The following KLF9 variants were observed in gnomAD, a reference collection of about 807,000 sequenced individuals.
KLF9 encodes the protein Krueppel-like factor 9.
KLF9 carries 2 observed loss-of-function variants against 17.3 expected under a neutral mutation model. The observed-to-expected ratio is 0.12, with a 90% CI of 0.05 to 0.36. The LOEUF (loss-of-function observed/expected upper bound fraction) is 0.36, where lower values mean the gene tolerates loss of function less well. Ranked by LOEUF, KLF9 falls within the 10% of genes least tolerant of loss-of-function variation. The pLI, the probability that KLF9 is intolerant of heterozygous loss-of-function variation, is 1.00. For synonymous variants in KLF9, 138 were observed against 139.2 expected (o/e 0.99, Z 0.06); for missense variants, 226 against 333.2 (o/e 0.68, Z 2.51).
At chr9:70,391,239 T>G (rs2037151096) in intron 1 of KLF9, among the ~76,000 whole-genome samples, 1 of 152,180 alleles carries the variant, frequency 6.6e-6, no homozygotes, top group East Asian at 1.9e-4. Context: ...TTTCTAGAAG[T>G]GACCATGGAA....
At chr9:70,401,747 G>A (rs1295267469) in intron 1 of KLF9, among the ~76,000 whole-genome samples, 1 of 151,230 alleles carries the variant, frequency 6.6e-6, no homozygotes, top group Non-Finnish European at 1.5e-5. Flanking sequence ...GGCTGCAGTG[G>A]CTCACGCCTG....
chr9:70,398,653 A>G (rs766903522), intron 1 of KLF9, among the ~76,000 whole-genome samples: 35 of 151,982 alleles, frequency 2.3e-4, no homozygotes, highest in South Asian at 2.1e-3. Context: ...CACCATGCCC[A>G]GCTAATTTTT....
rs1323873114 is a variant in KLF9, at chr9:70,413,328, G to A, written c.36C>T (p.Ala12=). 2 of 1,591,470 alleles carry A rather than the reference G, an allele frequency of 1.3e-6. No homozygotes were observed. The highest frequency in any genetic ancestry group is 2.2e-5 in the South Asian group (2 of 89,176). ...SAAAYMDFVA[A]QCLVSISNRA... is the part of the protein sequence containing the mutation. Reference sequence around the variant, plus strand: ...GGTTCGAAATGGAAACCAGACACTGGGCAGCCACGAAGTCCATGTAGGCGG... The same window carrying A: ...GGTTCGAAATGGAAACCAGACACTGAGCAGCCACGAAGTCCATGTAGGCGG... The change falls in exon 1 of 2, where the codon GCC becomes GCT. Residue 12 remains alanine, a synonymous_variant. Transcript: ENST00000377126. This position sits in a 1 kb window ranked among gnomAD's most constrained non-coding sequence, Gnocchi z 5.6.
intron 1 of KLF9, among the ~76,000 whole-genome samples, chr9:70,408,427 C>G (rs1289050010): frequency 6.6e-6 from 1 of 152,036 alleles, no homozygotes; most frequent in African/African-American, 2.4e-5. Flanking sequence ...TCTGGGGAGC[C>G]CTCTGGAAAG....
rs1188303090 is a variant in KLF9 at position 70,413,183 on chromosome 9, C to T, written c.181G>A (p.Val61Ile). 1.2e-6 allele frequency: 2 copies of T among 1,614,016 alleles called. No homozygotes were observed. Among genetic ancestry groups the T allele is most frequent in the Non-Finnish European group, 1.7e-6 (2 of 1,180,034 alleles). ...TCCAACAAGCTCTTGGCGATGGTGA[C>T]CAGTGTGCAGTAATCCTTCCAGGTG... ...GDTWKDYCTL[V>I]TIAKSLLDLN... Residue 61 changes from valine (V) to isoleucine (I), a missense_variant, in exon 1 of 2, where the codon GTC becomes ATC. Coordinates refer to ENST00000377126, the MANE Select transcript of KLF9 (RefSeq NM_001206.4). The surrounding 1 kb of genome is among the most constrained non-coding windows in gnomAD (Gnocchi z 5.6).
intron 1 of KLF9, among the ~76,000 whole-genome samples, chr9:70,394,312 C>CACACAT (rs2037169647): frequency 6.6e-6 from 1 of 151,808 alleles, no homozygotes; most frequent in Non-Finnish European, 1.5e-5. Flanking sequence ...CACACACACA[C>CACACAT]ACACACATTT....
At position 70,387,455 on chromosome 9, in the gene KLF9, C is replaced by G. The variant is rs1404002090; in HGVS notation, c.*321G>C. 2 of 176,008 alleles carry G rather than the reference C, an allele frequency of 1.1e-5. No homozygotes were observed. The highest frequency in any genetic ancestry group is 5.0e-5 in the African/African-American group (2 of 39,714). 10.9% of individuals were successfully genotyped at this position (176,008 alleles called of 1,614,324 possible). A position where few individuals can be genotyped will look rare whatever the true frequency, so the allele number is the denominator to read the frequency against. ...CCCCCACCCACTCCCTACCCTCCCCCGCAAAAAAATAAAAGGAGAAAAAAA... is the reference window on the plus strand; with the variant it reads ...CCCCCACCCACTCCCTACCCTCCCCGGCAAAAAAATAAAAGGAGAAAAAAA... On this transcript the variant is annotated 3_prime_UTR_variant, in exon 2 of 2. Transcript: ENST00000377126.
At chr9:70,408,845 A>G (rs10283593) in intron 1 of KLF9, among the ~76,000 whole-genome samples, 149,930 of 150,984 alleles carry the variant, frequency 0.99, 74,450 homozygotes, top group Middle Eastern at 1. Context: ...CTTCTACTAC[A>G]GAGGCTATCC....
At chr9:70,404,736 AT>A (rs1301919289) in intron 1 of KLF9, among the ~76,000 whole-genome samples, 3 of 152,228 alleles carry the variant, frequency 2.0e-5, no homozygotes, top group African/African-American at 7.2e-5. Context: ...ATTTTTAATT[AT>A]AATGGTGTGC....
At position 70,385,732 on chromosome 9, in the gene KLF9, C is replaced by G. The variant is rs1282423110; in HGVS notation, c.*2044G>C. On this transcript the variant is annotated 3_prime_UTR_variant, in exon 2 of 2. Transcript: ENST00000377126. Reference sequence around the variant, plus strand: ...CTATTTCGTATGGAAGAACAGATGTCCTTAAAACTTATTTTGGACACAGAA... The same window carrying G: ...CTATTTCGTATGGAAGAACAGATGTGCTTAAAACTTATTTTGGACACAGAA... 2 of 152,522 alleles carry G rather than the reference C, an allele frequency of 1.3e-5. No homozygotes were observed. The highest frequency in any genetic ancestry group is 2.9e-5 in the Non-Finnish European group (2 of 68,022). 9.4% of individuals were successfully genotyped at this position (152,522 alleles called of 1,614,324 possible). A position where few individuals can be genotyped will look rare whatever the true frequency, so the allele number is the denominator to read the frequency against.
At chr9:70,403,362 G>A (rs989739064) in intron 1 of KLF9, among the ~76,000 whole-genome samples, 4 of 152,130 alleles carry the variant, frequency 2.6e-5, no homozygotes, top group Non-Finnish European at 4.4e-5. Flanking sequence ...TGACCCAGTC[G>A]TGCCACAGTG....
chr9:70,395,227 G>A (rs967230040), intron 1 of KLF9, among the ~76,000 whole-genome samples: 3 of 152,184 alleles, frequency 2.0e-5, no homozygotes, highest in Non-Finnish European at 4.4e-5. Flanking sequence ...CAGTGAAACA[G>A]AAAATGTTTA....
intron 1 of KLF9, among the ~76,000 whole-genome samples, chr9:70,394,728 C>T (rs1186038556): frequency 1.3e-5 from 2 of 152,308 alleles, no homozygotes; most frequent in East Asian, 3.9e-4. Flanking sequence ...ACAGATGTAA[C>T]TGTACAAAAG....
rs560655116 is a variant in KLF9, at chr9:70,384,624, T to C, written c.*3152A>G. 1 of 152,774 alleles carries C rather than the reference T, an allele frequency of 6.5e-6. No individual in the cohort carries two copies. The highest frequency in any genetic ancestry group is 2.4e-5 in the African/African-American group (1 of 41,590). The allele number at this position is 152,774 out of a possible 1,614,324, so 9.5% of individuals were successfully genotyped here. On this transcript the variant is annotated 3_prime_UTR_variant, in exon 2 of 2. Coordinates refer to ENST00000377126, the MANE Select transcript of KLF9 (RefSeq NM_001206.4). Reference sequence around the variant, plus strand: ...CAGTCTTTATCATTTATTATTTTTATTTGGACAACATATATACATATGTAC... The same window carrying C: ...CAGTCTTTATCATTTATTATTTTTACTTGGACAACATATATACATATGTAC...
At chr9:70,392,334 T>C (rs1001077664) in intron 1 of KLF9, among the ~76,000 whole-genome samples, 4 of 152,182 alleles carry the variant, frequency 2.6e-5, no homozygotes, top group Non-Finnish European at 5.9e-5. Context: ...CATGGTGAAC[T>C]GAACAGGGTG....
rs2037370293 is a variant in KLF9 at position 70,414,621 on chromosome 9, G to GTCA, written c.-1261_-1259dup. On this transcript the variant is annotated 5_prime_UTR_variant, in exon 1 of 2. It adds an upstream start codon to the 5' untranslated region. Transcript: ENST00000377126. ...TCTATAATTAAAAAAACCCCATTAT[G>GTCA]TCAGGATAAGTCCAAGAATAAACAC... The GTCA allele has an allele frequency of 6.6e-6, 1 of 152,166 alleles. No homozygotes were observed. The highest frequency in any genetic ancestry group is 2.4e-5 in the African/African-American group (1 of 41,434). 9.4% of individuals were successfully genotyped at this position (152,166 alleles called of 1,614,324 possible). A position where few individuals can be genotyped will look rare whatever the true frequency, so the allele number is the denominator to read the frequency against.
chr9:70,389,159 G>T (rs1375320167), intron 1 of KLF9, among the ~76,000 whole-genome samples: 1 of 150,992 alleles, frequency 6.6e-6, no homozygotes, highest in Non-Finnish European at 1.5e-5. Context: ...AAAAAAAAAA[G>T]AAATGTTTGT....
chr9:70,396,176 C>T (rs758977931), intron 1 of KLF9, among the ~76,000 whole-genome samples: 1 of 152,082 alleles, frequency 6.6e-6, no homozygotes, highest in Non-Finnish European at 1.5e-5. Context: ...TATAATTAAT[C>T]CAGGGCCATC....
Position 70,387,742 on chromosome 9 carries a change from G to A in KLF9, c.*34C>T. 6.3e-7 allele frequency: 1 copy of A among 1,589,766 alleles called. No individual in the cohort carries two copies. Among genetic ancestry groups the A allele is most frequent in the Non-Finnish European group, 8.6e-7 (1 of 1,158,702 alleles). On this transcript the variant is annotated 3_prime_UTR_variant, in exon 2 of 2. Transcript: ENST00000377126. Reference sequence around the variant, plus strand: ...CCTGGGAGTACTTTTCTCCTTTCGGGGTCCATCCCTCCCTGGCTTCCACGG... The same window carrying A: ...CCTGGGAGTACTTTTCTCCTTTCGGAGTCCATCCCTCCCTGGCTTCCACGG...
Sources: gnomAD v4.1 joint callset for allele counts (sites outside exome capture counted in the v4.1 genomes callset) on GRCh38, gnomAD v4.1.1 for gene constraint, Gnocchi (gnomAD v3.1) non-coding constraint, MANE v1.5 for transcripts, NCBI Gene and HGNC (gene_info 2026-07-23, HGNC 2026-07-21) for gene names.